ACVR2A: variants seen among roughly 807,000 people sequenced by gnomAD.
The protein encoded by ACVR2A is activin A receptor type 2A.
ACVR2A carries 7 observed loss-of-function variants against 61.4 expected under a neutral mutation model. The ratio of observed to expected loss-of-function variants is 0.11; its 90% CI spans 0.06 to 0.21. The LOEUF (loss-of-function observed/expected upper bound fraction) is 0.21. Ranked by LOEUF, ACVR2A falls within the 10% of genes least tolerant of loss-of-function variation. ACVR2A has a pLI of 1.00. For missense variants in ACVR2A, 322 were observed against 621.7 expected, an observed-to-expected ratio of 0.52 and a Z score of 5.13; for synonymous variants, 193 against 208.3, an observed-to-expected ratio of 0.93 and a Z score of 0.63.
At chr2:147,921,794 TTTC>T (rs1687387446) in intron 8 of ACVR2A, among the ~76,000 whole-genome samples, 3 of 152,142 alleles carry the variant, frequency 2.0e-5, no homozygotes. Context: ...AGAAAAAAAA[TTTC>T]TGACTCATTC....
At position 147,928,926 on chromosome 2, in the gene ACVR2A, G is replaced by A. The variant is rs182485553; in HGVS notation, c.*1652G>A. The stretch of plus-strand genomic sequence containing the variant: ...TAAAATCCATGTTAATTTTATAAAA[G>A]AATTTTTTACATGTCACTGTCAGGA... On this transcript the variant is annotated 3_prime_UTR_variant, in exon 11 of 11. Transcript: ENST00000241416. 1 of 152,324 alleles carries A rather than the reference G, an allele frequency of 6.6e-6. No individual in the cohort carries two copies. The highest frequency in any genetic ancestry group is 2.4e-5 in the African/African-American group (1 of 41,402). The allele number at this position is 152,324 out of a possible 1,614,324, so 9.4% of individuals were successfully genotyped here. A position where few individuals can be genotyped will look rare whatever the true frequency, so the allele number is the denominator to read the frequency against.
chr2:147,853,490 A>G (rs181401089), intron 1 of ACVR2A, among the ~76,000 whole-genome samples: 3 of 152,218 alleles, frequency 2.0e-5, no homozygotes, highest in African/African-American at 7.2e-5. Context: ...AATTTGGTAT[A>G]TGGTATTCAC....
chr2:147,850,302 G>A (rs998087918), intron 1 of ACVR2A, among the ~76,000 whole-genome samples: 2 of 152,066 alleles, frequency 1.3e-5, no homozygotes, highest in African/African-American at 4.8e-5. Context: ...AAAACAGATT[G>A]AATTTAGAAT....
At chr2:147,869,479 G>GT (rs1558964457) in intron 1 of ACVR2A, among the ~76,000 whole-genome samples, 1 of 152,186 alleles carries the variant, frequency 6.6e-6, no homozygotes, top group Non-Finnish European at 1.5e-5. Flanking sequence ...GGGATTGAAT[G>GT]TGTTTGGGAA....
intron 2 of ACVR2A, 177 bp downstream of exon 2, chr2:147,896,685 A>T (rs1355135047): frequency 3.4e-6 from 2 of 587,300 alleles, no homozygotes; most frequent in African/African-American, 3.7e-5. Context: ...AAAGTAATAA[A>T]CATGGCATAT....
intron 1 of ACVR2A, among the ~76,000 whole-genome samples, chr2:147,892,129 G>T (rs1334910087): frequency 6.6e-6 from 1 of 151,838 alleles, no homozygotes; most frequent in Non-Finnish European, 1.5e-5. Flanking sequence ...GCGCCACTAT[G>T]CCCAGCTAAT....
chr2:147,887,887 A>G (rs1686482203), intron 1 of ACVR2A, among the ~76,000 whole-genome samples: 2 of 152,196 alleles, frequency 1.3e-5, no homozygotes, highest in Admixed American at 6.5e-5. Flanking sequence ...TGATTAAAAG[A>G]TTTTTAAGAT....
chr2:147,878,029 AT>A (rs913852266), intron 1 of ACVR2A, among the ~76,000 whole-genome samples: 4 of 152,144 alleles, frequency 2.6e-5, no homozygotes, highest in Admixed American at 1.3e-4. Context: ...GTAGTATGTG[AT>A]TTTTTTTCCA....
At chr2:147,922,638 T>G (rs1036107997) in intron 8 of ACVR2A, among the ~76,000 whole-genome samples, 1 of 151,952 alleles carries the variant, frequency 6.6e-6, no homozygotes, top group Non-Finnish European at 1.5e-5. Flanking sequence ...AGAAAAGACC[T>G]CAAAAAAAGT....
At chr2:147,913,250 G>A (rs11883657) in intron 4 of ACVR2A, among the ~76,000 whole-genome samples, 2,527 of 151,874 alleles carry the variant, frequency 0.017, 73 homozygotes, top group African/African-American at 0.058. Context: ...TTAGAACAGA[G>A]AATGGGTAAT....
chr2:147,873,228 GA>G (rs1408300753), intron 1 of ACVR2A, among the ~76,000 whole-genome samples: 1 of 151,784 alleles, frequency 6.6e-6, no homozygotes, highest in Non-Finnish European at 1.5e-5. Context: ...TGCTACAAAA[GA>G]AATGCAATGC....
chr2:147,894,606 G>T (rs1195901228), intron 1 of ACVR2A, among the ~76,000 whole-genome samples: 1 of 151,948 alleles, frequency 6.6e-6, no homozygotes, highest in East Asian at 1.9e-4. Context: ...CACATTTATT[G>T]ATATCACCAC....
intron 1 of ACVR2A, among the ~76,000 whole-genome samples, chr2:147,868,885 G>A (rs569136485): frequency 2.6e-5 from 4 of 152,052 alleles, no homozygotes; most frequent in African/African-American, 9.6e-5. Flanking sequence ...CTCCTGTCTT[G>A]GTCCCTCAAA....
At chr2:147,925,781 C>T (rs975156951) in intron 9 of ACVR2A, 1 of 379,184 alleles carries the variant, frequency 2.6e-6, no homozygotes, top group Non-Finnish European at 4.7e-6. Context: ...ATCCTTTATA[C>T]CTAGATAAGA....
intron 1 of ACVR2A, among the ~76,000 whole-genome samples, chr2:147,868,781 C>T (rs994468118): frequency 1.3e-5 from 2 of 151,926 alleles, no homozygotes; most frequent in Non-Finnish European, 2.9e-5. Context: ...ACAGGCATGC[C>T]ACCACACCTG....
chr2:147,890,124 A>G (rs981398226), intron 1 of ACVR2A, among the ~76,000 whole-genome samples: 6 of 152,114 alleles, frequency 3.9e-5, no homozygotes, highest in Non-Finnish European at 8.8e-5. Context: ...GGTTTTACAT[A>G]GGGAGGAACA....
intron 1 of ACVR2A, among the ~76,000 whole-genome samples, chr2:147,887,016 G>A (rs1686457187): frequency 6.6e-6 from 1 of 151,882 alleles, no homozygotes; most frequent in Admixed American, 6.6e-5. Context: ...TTCAAGACCG[G>A]TCTGGGCAAA....
intron 1 of ACVR2A, among the ~76,000 whole-genome samples, chr2:147,895,485 A>G (rs1686707205): frequency 6.6e-6 from 1 of 152,140 alleles, no homozygotes; most frequent in African/African-American, 2.4e-5. Context: ...AACCTTGAAT[A>G]ACACCTTGGG....
chr2:147,898,345 T>C (rs1686794054), intron 2 of ACVR2A: 2 of 152,008 alleles, frequency 1.3e-5, no homozygotes, highest in African/African-American at 4.8e-5. Flanking sequence ...AAAGTAACTT[T>C]ATTGAATTAA....
Sources: allele counts gnomAD v4.1 joint callset (sites outside exome capture counted in the v4.1 genomes callset), GRCh38; gene constraint gnomAD v4.1.1; transcripts MANE v1.5; gene names NCBI Gene and HGNC (gene_info 2026-07-23, HGNC 2026-07-21).